Variants in ARHGAP24 observed in about 807,000 individuals in gnomAD.
ARHGAP24 encodes rho GTPase-activating protein 24.
In ARHGAP24, 50 loss-of-function variants were observed where a neutral mutation model predicts 76.4. The ratio of observed to expected loss-of-function variants is 0.65; its 90% CI spans 0.52 to 0.83. ARHGAP24 has a LOEUF of 0.83. Among genes scored for constraint, ARHGAP24 ranks in the 40% least tolerant of loss-of-function variants. The pLI, the probability that ARHGAP24 is intolerant of heterozygous loss-of-function variation, is 0.00. For synonymous variants in ARHGAP24, 345 were observed against 323.3 expected (o/e 1.07, Z -0.72); for missense variants, 930 against 914.2 (o/e 1.02, Z -0.22).
chr4:85,715,627 C>T (rs749409299), intron 2 of ARHGAP24, among the ~76,000 whole-genome samples: 6 of 151,990 alleles, frequency 3.9e-5, no homozygotes, highest in Non-Finnish European at 8.8e-5. Context: ...TACTTAATCA[C>T]AAAATTTACT....
chr4:85,575,400 C>A (rs1252890829), intron 2 of ARHGAP24, among the ~76,000 whole-genome samples: 1 of 152,078 alleles, frequency 6.6e-6, no homozygotes, highest in Non-Finnish European at 1.5e-5. Context: ...TAAGTAATAT[C>A]TTTTGTATTT....
chr4:85,880,170 T>C lies in ARHGAP24; in HGVS notation c.269-43478T>C, dbSNP rs536696864. Among the ~76,000 whole-genome samples, 59 of 152,356 alleles carry C rather than the reference T, an allele frequency of 3.9e-4. No individual in the cohort carries two copies. The Middle Eastern group carries it at 0.01, about 26-fold the overall frequency. On this transcript the variant is annotated intron_variant, in intron 3 of 9. Coordinates refer to ENST00000395184, the MANE Select transcript of ARHGAP24 (RefSeq NM_001025616.3). ...AAGTGATAATAAAATAGAACAATTA[T>C]AACAATATACTGTAATAAAAGTTAT...
chr4:85,661,528 T>A (rs898810757), intron 2 of ARHGAP24, among the ~76,000 whole-genome samples: 59 of 152,200 alleles, frequency 3.9e-4, no homozygotes, highest in Non-Finnish European at 7.2e-4. Flanking sequence ...CTTTTTTTTT[T>A]AATTATACTT....
intron 3 of ARHGAP24, among the ~76,000 whole-genome samples, chr4:85,899,641 A>G (rs367840619): frequency 4.7e-4 from 72 of 152,358 alleles, no homozygotes; most frequent in African/African-American, 1.6e-3. Context: ...CCCAAGTAAT[A>G]TTAAACCGAA....
Position 85,662,273 on chromosome 4 carries a change from G to T in ARHGAP24, c.181-59612G>T, listed in dbSNP as rs886367907. On this transcript the variant is annotated intron_variant, in intron 2 of 9. Coordinates refer to ENST00000395184, the MANE Select transcript of ARHGAP24 (RefSeq NM_001025616.3). ...TGCATTTCTCTGATGGCCAGTGATGGTGAGCATTTTTTCATGTGTTTTTTG... is the reference window on the plus strand; with the variant it reads ...TGCATTTCTCTGATGGCCAGTGATGTTGAGCATTTTTTCATGTGTTTTTTG... Among the ~76,000 whole-genome samples the T allele has an allele frequency of 3.9e-5, 6 of 152,040 alleles. No individual in the cohort carries two copies. The East Asian group carries it at 7.7e-4, about 20-fold the overall frequency.
intron 3 of ARHGAP24, among the ~76,000 whole-genome samples, chr4:85,837,086 A>G (rs1235285335): frequency 1.3e-5 from 2 of 152,218 alleles, no homozygotes; most frequent in Non-Finnish European, 2.9e-5. Context: ...TCCTAAAGGT[A>G]ATATTTATCT....
At chr4:85,938,542 G>A (rs570898224) in intron 4 of ARHGAP24, among the ~76,000 whole-genome samples, 2 of 152,130 alleles carry the variant, frequency 1.3e-5, no homozygotes, top group African/African-American at 4.8e-5. Context: ...ATGCAGAAGG[G>A]CAACCCACAT....
chr4:85,559,476 A>C (rs868840939), intron 1 of ARHGAP24, among the ~76,000 whole-genome samples: 28 of 152,214 alleles, frequency 1.8e-4, no homozygotes, highest in Admixed American at 5.2e-4. Context: ...TAGTCATGTT[A>C]TACAATAGAC....
At chr4:85,545,996 C>T (rs1370214857) in intron 1 of ARHGAP24, among the ~76,000 whole-genome samples, 1 of 152,146 alleles carries the variant, frequency 6.6e-6, no homozygotes, top group East Asian at 1.9e-4. Context: ...TACCCAGGTT[C>T]AGATGTCTAA....
At chr4:85,874,850 T>A (rs59201357) in intron 3 of ARHGAP24, among the ~76,000 whole-genome samples, 5 of 111,336 alleles carry the variant, frequency 4.5e-5, no homozygotes, top group Admixed American at 1.2e-4. Flanking sequence ...TTTTATATAA[T>A]TTATATATAA....
At chr4:85,684,452 T>C (rs1232549964) in intron 2 of ARHGAP24, among the ~76,000 whole-genome samples, 1 of 152,174 alleles carries the variant, frequency 6.6e-6, no homozygotes, top group Non-Finnish European at 1.5e-5. Flanking sequence ...ACATTGCTGC[T>C]CCTGAGTCAT....
At chr4:85,873,225 T>C (rs1402308362) in intron 3 of ARHGAP24, among the ~76,000 whole-genome samples, 4 of 152,206 alleles carry the variant, frequency 2.6e-5, no homozygotes, top group Non-Finnish European at 4.4e-5. Context: ...AGCAACTTTT[T>C]CTAGCTTTAG....
intron 2 of ARHGAP24, among the ~76,000 whole-genome samples, chr4:85,664,055 C>T (rs1330318464): frequency 3.4e-5 from 5 of 148,018 alleles, no homozygotes; most frequent in African/African-American, 5.2e-5. Flanking sequence ...GGGAGGATTC[C>T]CTATTGATTG....
chr4:85,600,848 A>G (rs995564220), intron 2 of ARHGAP24, among the ~76,000 whole-genome samples: 4 of 152,210 alleles, frequency 2.6e-5, no homozygotes, highest in Non-Finnish European at 5.9e-5. Context: ...AAATTGATGC[A>G]TGCCTTGAAA....
In ARHGAP24 at chr4:85,995,617, A is replaced by G; in HGVS notation, c.1963A>G (p.Met655Val). Residue 655 changes from methionine (M) to valine (V), a missense_variant, in exon 9 of 10, where the codon ATG becomes GTG. Coordinates refer to ENST00000395184, the MANE Select transcript of ARHGAP24 (RefSeq NM_001025616.3). ...HSLVSSLKQE[M>V]TKQKIEYESR... ...TTTAGTTTCCAGCCTGAAACAGGAA[A>G]TGACCAAACAGAAGATAGAGTATGA... is the stretch of plus-strand genomic sequence containing the variant. 1 of 1,613,974 alleles carries G rather than the reference A, an allele frequency of 6.2e-7. No individual in the cohort carries two copies. Among genetic ancestry groups the G allele is most frequent in the South Asian group, 1.1e-5 (1 of 91,058 alleles).
chr4:85,748,588 A>G (rs1472166944), intron 3 of ARHGAP24, among the ~76,000 whole-genome samples: 1 of 152,226 alleles, frequency 6.6e-6, no homozygotes, highest in Non-Finnish European at 1.5e-5. Context: ...AAATGGGAGT[A>G]TTTTTAAATT....
At chr4:85,581,837 C>T (rs1289398782) in intron 2 of ARHGAP24, among the ~76,000 whole-genome samples, 22 of 151,886 alleles carry the variant, frequency 1.4e-4, no homozygotes, top group Non-Finnish European at 3.1e-4. Context: ...ATATAAAATA[C>T]ATGTGGTGGT....
chr4:85,941,344 C>G (rs184352223), intron 4 of ARHGAP24, among the ~76,000 whole-genome samples: 2 of 152,090 alleles, frequency 1.3e-5, no homozygotes, highest in South Asian at 2.1e-4. Flanking sequence ...TAAAACTTGG[C>G]CTTCTTTTTA....
intron 3 of ARHGAP24, among the ~76,000 whole-genome samples, chr4:85,882,457 A>G (rs771021485): frequency 5.9e-5 from 9 of 152,196 alleles, no homozygotes; most frequent in Non-Finnish European, 1.2e-4. Flanking sequence ...TGATATCATT[A>G]GAAATTAGGA....
Sources: gnomAD v4.1 joint callset for allele counts (sites outside exome capture counted in the v4.1 genomes callset) on GRCh38, gnomAD v4.1.1 for gene constraint, MANE v1.5 for transcripts, NCBI Gene and HGNC (gene_info 2026-07-23, HGNC 2026-07-21) for gene names.